The following LHX6 variants were observed in gnomAD, a reference collection of about 807,000 sequenced individuals.
LHX6 encodes the protein LIM homeobox 6, also known as LIM/homeobox protein Lhx6.
A neutral mutation model predicts 47.1 loss-of-function variants in LHX6; 15 were observed. The observed-to-expected ratio is 0.32, with a 90% CI of 0.21 to 0.49. The LOEUF (loss-of-function observed/expected upper bound fraction) is 0.49, where lower values mean the gene tolerates loss of function less well. Among genes scored for constraint, LHX6 ranks in the 20% least tolerant of loss-of-function variants. The pLI, the probability that LHX6 is intolerant of heterozygous loss-of-function variation, is 0.99. For missense variants in LHX6, 404 were observed against 539.6 expected (o/e 0.75, Z 2.49); for synonymous variants, 242 against 233.5 (o/e 1.04, Z -0.33).
At chr9:122,222,414 T>C (rs746894391) in intron 4 of LHX6, among the ~76,000 whole-genome samples, 7 of 151,294 alleles carry the variant, frequency 4.6e-5, no homozygotes, top group Non-Finnish European at 7.4e-5. Context: ...TCTGGTGGTA[T>C]TTTTTTTTCC....
rs1376472458 is a variant in LHX6, at chr9:122,226,140, T to C, written c.461+236A>G. On this transcript the variant is annotated intron_variant, in intron 4 of 9. Coordinates refer to ENST00000394319, the MANE Select transcript of LHX6 (RefSeq NM_014368.5). This position sits in a 1 kb window ranked among gnomAD's most constrained non-coding sequence, Gnocchi z 6.5. Reference sequence around the variant, plus strand: ...AGCCAGAGACGATACCGAAACCCAATGGACCGCGAGGACCGAAGGCAGATC... The same window carrying C: ...AGCCAGAGACGATACCGAAACCCAACGGACCGCGAGGACCGAAGGCAGATC... 6.6e-6 allele frequency among the ~76,000 whole-genome samples: 1 copy of C among 152,006 alleles called. No individual in the cohort carries two copies. Among genetic ancestry groups the C allele is most frequent in the Non-Finnish European group, 1.5e-5 (1 of 67,998 alleles).
Position 122,204,660 on chromosome 9 carries a change from G to A in LHX6, c.*100C>T, listed in dbSNP as rs779194088. 3.4e-5 allele frequency: 49 copies of A among 1,432,344 alleles called. No homozygotes were observed. Among genetic ancestry groups the A allele is most frequent in the Non-Finnish European group, 4.6e-5 (48 of 1,045,532 alleles). The allele number at this position is 1,432,344 out of a possible 1,614,324, so 88.7% of individuals were successfully genotyped here. A position where few individuals can be genotyped will look rare whatever the true frequency, so the allele number is the denominator to read the frequency against. On this transcript the variant is annotated 3_prime_UTR_variant, in exon 10 of 10. Coordinates refer to ENST00000394319, the MANE Select transcript of LHX6 (RefSeq NM_014368.5). ...CAGGATGGCGGACGGGGGTGGATGC[G>A]GAGGTGGGTGGACTCCTGGCCGCAG... is the stretch of plus-strand genomic sequence containing the variant.
intron 8 of LHX6, among the ~76,000 whole-genome samples, chr9:122,211,773 G>C (rs1830406490): frequency 6.6e-6 from 1 of 152,196 alleles, no homozygotes; most frequent in Non-Finnish European, 1.5e-5. Flanking sequence ...TCCTGGCAGG[G>C]ACTCTGGAGG....
At chr9:122,228,154 T>A in intron 1 of LHX6, 1 of 730,396 alleles carries the variant, frequency 1.4e-6, no homozygotes, top group South Asian at 1.5e-5. Context: ...AGCAGCTATA[T>A]TGACACGGAT....
chr9:122,219,355 C>T (rs1013838337), intron 4 of LHX6, among the ~76,000 whole-genome samples: 1 of 152,212 alleles, frequency 6.6e-6, no homozygotes, highest in Non-Finnish European at 1.5e-5. Flanking sequence ...ACAGGCGGTT[C>T]CGGACCTCGG....
rs1309258660 is a variant in LHX6 at position 122,226,177 on chromosome 9, C to A, written c.461+199G>T. Among the ~76,000 whole-genome samples the A allele has an allele frequency of 6.6e-6, 1 of 152,214 alleles. No individual in the cohort carries two copies. Among genetic ancestry groups the A allele is most frequent in the African/African-American group, 2.4e-5 (1 of 41,464 alleles). ...ACCGAAGGCAGATCCGGGGCGCAAACCTGTGCAGGCACTGGCGCGCTGCCT... is the reference window on the plus strand; with the variant it reads ...ACCGAAGGCAGATCCGGGGCGCAAAACTGTGCAGGCACTGGCGCGCTGCCT... On this transcript the variant is annotated intron_variant, in intron 4 of 9. Coordinates refer to ENST00000394319, the MANE Select transcript of LHX6 (RefSeq NM_014368.5). The surrounding 1 kb of genome is among the most constrained non-coding windows in gnomAD (Gnocchi z 6.5).
intron 4 of LHX6, among the ~76,000 whole-genome samples, chr9:122,224,101 C>T (rs1016729297): frequency 2.0e-5 from 3 of 152,246 alleles, no homozygotes; most frequent in South Asian, 2.1e-4. Context: ...GATCTTGGCT[C>T]ACCACAATGT....
Position 122,227,489 on chromosome 9 carries a change from G to A in LHX6, c.85-9C>T. ...CCTGGCTGGGCCATCACCTGGGGGA[G>A]GGGGGGAGGGAACGCAGGCGGCGGC... On this transcript the variant is annotated splice_polypyrimidine_tract_variant and intron_variant, in intron 1 of 9. Coordinates refer to ENST00000394319, the MANE Select transcript of LHX6 (RefSeq NM_014368.5). 2.6e-6 allele frequency: 4 copies of A among 1,512,040 alleles called. No homozygotes were observed. The highest frequency in any genetic ancestry group is 2.6e-5 in the East Asian group (1 of 39,114). The allele number at this position is 1,512,040 out of a possible 1,614,324, so 93.7% of individuals were successfully genotyped here.
chr9:122,213,595 C>A lies in LHX6; in HGVS notation c.1054+11G>T, dbSNP rs1259045099. 6.4e-7 allele frequency: 1 copy of A among 1,554,398 alleles called. No individual in the cohort carries two copies. Among genetic ancestry groups the A allele is most frequent in the African/African-American group, 1.4e-5 (1 of 73,390 alleles). ...GCAGGCCCAGCGGCTCCCGGCGCTG[C>A]GGTTACTTACTCTCAATGTAGCCGT... On this transcript the variant is annotated intron_variant, in intron 8 of 9. Transcript: ENST00000394319. This position sits in a 1 kb window ranked among gnomAD's most constrained non-coding sequence, Gnocchi z 5.5.
Position 122,202,943 on chromosome 9 carries a change from TG to T in LHX6, c.*1816del, listed in dbSNP as rs1243890901. On this transcript the variant is annotated 3_prime_UTR_variant, in exon 10 of 10. Coordinates refer to ENST00000394319, the MANE Select transcript of LHX6 (RefSeq NM_014368.5). ...TACCACATGGTTGCCACTGGGGCCT[TG>T]ATGATCAGGAGCAAAAATCAAAGGA... The T allele has an allele frequency of 6.6e-6, 1 of 152,306 alleles. No homozygotes were observed. The highest frequency in any genetic ancestry group is 6.5e-5 in the Admixed American group (1 of 15,274). 9.4% of individuals were successfully genotyped at this position (152,306 alleles called of 1,614,324 possible).
chr9:122,217,327 A>C lies in LHX6; in HGVS notation c.462-39T>G, dbSNP rs1162687570. On this transcript the variant is annotated intron_variant, in intron 4 of 9. Coordinates refer to ENST00000394319, the MANE Select transcript of LHX6 (RefSeq NM_014368.5). The surrounding 1 kb of genome is among the most constrained non-coding windows in gnomAD (Gnocchi z 4.9). ...GGACAGGCACGGGGTGTCGAGACTC[A>C]GACAGGCCAACCTTCCTCCTTCCAC... is the stretch of plus-strand genomic sequence containing the variant. The C allele has an allele frequency of 2.6e-6, 4 of 1,542,732 alleles. No individual in the cohort carries two copies. The Admixed American group carries it at 7.1e-5, about 27-fold the overall frequency.
At position 122,227,181 on chromosome 9, in the gene LHX6, C is replaced by T. The variant is rs1831138560; in HGVS notation, c.157-151G>A. ...AGACTGAAGGACAGGGATGGAAGGG[C>T]CTATTGGAGAGGAAGGGACGGCCCC... On this transcript the variant is annotated intron_variant, in intron 2 of 9. Coordinates refer to ENST00000394319, the MANE Select transcript of LHX6 (RefSeq NM_014368.5). 4 of 813,520 alleles carry T rather than the reference C, an allele frequency of 4.9e-6. No individual in the cohort carries two copies. The South Asian group carries it at 5.9e-5, about 12-fold the overall frequency. 50.4% of individuals were successfully genotyped at this position (813,520 alleles called of 1,614,324 possible). A position where few individuals can be genotyped will look rare whatever the true frequency, so the allele number is the denominator to read the frequency against.
rs1357791194 is a variant in LHX6 at position 122,204,791 on chromosome 9, A to C, written c.1159-11T>G. 8.3e-6 allele frequency: 13 copies of C among 1,572,824 alleles called. No individual in the cohort carries two copies. Among genetic ancestry groups the C allele is most frequent in the Non-Finnish European group, 1.1e-5 (13 of 1,158,094 alleles). On this transcript the variant is annotated splice_polypyrimidine_tract_variant and intron_variant, in intron 9 of 9. Coordinates refer to ENST00000394319, the MANE Select transcript of LHX6 (RefSeq NM_014368.5). ...CTGAAAAAGGATGACCTGCAAGAGG[A>C]GGGCATGGGAGGTGGCTGAGCTGGG...
chr9:122,210,406 A>G (rs565705036), intron 8 of LHX6, among the ~76,000 whole-genome samples: 26 of 152,198 alleles, frequency 1.7e-4, no homozygotes, highest in African/African-American at 6.3e-4. Context: ...GTAAGTTCAT[A>G]TCTCTTAGGT....
At position 122,228,742 on chromosome 9, in the gene LHX6, G is replaced by A; in HGVS notation, c.-2C>T. 7 of 1,265,976 alleles carry A rather than the reference G, an allele frequency of 5.5e-6. No homozygotes were observed. The highest frequency in any genetic ancestry group is 1.5e-5 in the African/African-American group (1 of 64,680). 78.4% of individuals were successfully genotyped at this position (1,265,976 alleles called of 1,614,324 possible). A position where few individuals can be genotyped will look rare whatever the true frequency, so the allele number is the denominator to read the frequency against. On this transcript the variant is annotated 5_prime_UTR_variant, in exon 1 of 10. Coordinates refer to ENST00000394319, the MANE Select transcript of LHX6 (RefSeq NM_014368.5). ...GGCGTTCTCATGCTTCCAGTACATGGGCCGGGGAACCTCGGGCTCAGCGGG... is the reference window on the plus strand; with the variant it reads ...GGCGTTCTCATGCTTCCAGTACATGAGCCGGGGAACCTCGGGCTCAGCGGG...
chr9:122,226,049 T>G lies in LHX6; in HGVS notation c.461+327A>C, dbSNP rs1380243828. Among the ~76,000 whole-genome samples, 1 of 152,014 alleles carries G rather than the reference T, an allele frequency of 6.6e-6. No homozygotes were observed. The highest frequency in any genetic ancestry group is 1.5e-5 in the Non-Finnish European group (1 of 67,994). ...TGGGTCCGGGCCAGAAATGGGGACCTCAGAGCTCCACCGAGGCGCTCGAGG... is the reference window on the plus strand; with the variant it reads ...TGGGTCCGGGCCAGAAATGGGGACCGCAGAGCTCCACCGAGGCGCTCGAGG... On this transcript the variant is annotated intron_variant, in intron 4 of 9. Coordinates refer to ENST00000394319, the MANE Select transcript of LHX6 (RefSeq NM_014368.5). The surrounding 1 kb of genome is among the most constrained non-coding windows in gnomAD (Gnocchi z 6.5).
chr9:122,203,347 T>A lies in LHX6; in HGVS notation c.*1413A>T, dbSNP rs1020174207. ...TAAAAACAGAGACAATGGCTGCGTA[T>A]GTACCATGAACTTGCTTTCCCTGTC... On this transcript the variant is annotated 3_prime_UTR_variant, in exon 10 of 10. Transcript: ENST00000394319. The A allele has an allele frequency of 6.6e-6, 1 of 152,492 alleles. No homozygotes were observed. The highest frequency in any genetic ancestry group is 2.4e-5 in the African/African-American group (1 of 41,436). 9.4% of individuals were successfully genotyped at this position (152,492 alleles called of 1,614,324 possible).
intron 9 of LHX6, 55 bp from the exon 10 acceptor site, chr9:122,204,835 G>A (rs776329277): frequency 6.9e-6 from 9 of 1,309,124 alleles, no homozygotes; most frequent in Non-Finnish European, 9.5e-6. Flanking sequence ...CCACCCTGCT[G>A]CCCCCCAGAG....
At position 122,214,115 on chromosome 9, in the gene LHX6, G is replaced by A; in HGVS notation, c.784-46C>T. The A allele has an allele frequency of 6.5e-7, 1 of 1,541,784 alleles. No individual in the cohort carries two copies. The highest frequency in any genetic ancestry group is 1.1e-5 in the South Asian group (1 of 87,376). On this transcript the variant is annotated intron_variant, in intron 6 of 9. Coordinates refer to ENST00000394319, the MANE Select transcript of LHX6 (RefSeq NM_014368.5). This position sits in a 1 kb window ranked among gnomAD's most constrained non-coding sequence, Gnocchi z 4.6. The stretch of plus-strand genomic sequence containing the variant: ...TGAGGCGCTCGCACGCAGAGACTCC[G>A]AGACCCCGGCCCAATCAGCGGCGCC...
Sources: allele counts gnomAD v4.1 joint callset (sites outside exome capture counted in the v4.1 genomes callset), GRCh38; gene constraint gnomAD v4.1.1; non-coding constraint Gnocchi (gnomAD v3.1); transcripts MANE v1.5; gene names NCBI Gene and HGNC (gene_info 2026-07-23, HGNC 2026-07-21).